EHMT1: variants seen among roughly 807,000 people sequenced by gnomAD.
EHMT1 encodes euchromatic histone lysine methyltransferase 1, also known as histone-lysine N-methyltransferase EHMT1.
EHMT1 carries 15 observed loss-of-function variants against 147.2 expected under a neutral mutation model. The observed-to-expected ratio is 0.10, with a 90% CI of 0.07 to 0.16. EHMT1 has a LOEUF of 0.16. EHMT1 is among the 10% of genes least tolerant of loss of function. EHMT1 has a pLI of 1.00. For missense variants in EHMT1, 1,587 were observed against 1,772.4 expected, an observed-to-expected ratio of 0.90 and a Z score of 1.88; for synonymous variants, 795 against 709.6, an observed-to-expected ratio of 1.12 and a Z score of -1.91.
chr9:137,775,404 C>A lies in EHMT1; in HGVS notation c.1791+152C>A. ...TCTGGAGGTCTCCAGTGTTCACAAG[C>A]CCCTCACCACCCCTGTCGAGCCCCA... is the stretch of plus-strand genomic sequence containing the variant. On this transcript the variant is annotated intron_variant, in intron 11 of 26. Coordinates refer to ENST00000460843, the MANE Select transcript of EHMT1 (RefSeq NM_024757.5). This position sits in a 1 kb window ranked among gnomAD's most constrained non-coding sequence, Gnocchi z 6.1. 8.9e-7 allele frequency: 1 copy of A among 1,124,364 alleles called. No individual in the cohort carries two copies. Among genetic ancestry groups the A allele is most frequent in the Non-Finnish European group, 1.3e-6 (1 of 787,292 alleles). 69.6% of individuals were successfully genotyped at this position (1,124,364 alleles called of 1,614,324 possible).
At chr9:137,706,641 C>A (rs560327105) in intron 1 of EHMT1, among the ~76,000 whole-genome samples, 1 of 152,030 alleles carries the variant, frequency 6.6e-6, no homozygotes, top group East Asian at 1.9e-4. Flanking sequence ...TGCCTGCCAC[C>A]ACGCCCAACT....
chr9:137,817,865 G>T, intron 24 of EHMT1, 195 bp from the exon 25 acceptor site: 1 of 649,166 alleles, frequency 1.5e-6, no homozygotes, highest in Non-Finnish European at 2.7e-6. Context: ...AGAGCTTTCG[G>T]TATCGTTATC....
chr9:137,678,242 T>G (rs1474641371), intron 1 of EHMT1, among the ~76,000 whole-genome samples: 1 of 152,138 alleles, frequency 6.6e-6, no homozygotes, highest in Non-Finnish European at 1.5e-5. Context: ...GATTTGTTTT[T>G]TCTCTCCTGA....
At position 137,669,835 on chromosome 9, in the gene EHMT1, G is replaced by T. The variant is rs1940338299; in HGVS notation, c.22-41132G>T. Among the ~76,000 whole-genome samples the T allele has an allele frequency of 3.3e-5, 5 of 152,076 alleles. No individual in the cohort carries two copies. In the South Asian group the frequency reaches 1.0e-3, roughly 32 times the overall value. ...CTCAAAGCGCTGATATTACAGGTGT[G>T]AGCCATGATGCCTGGGCCAAAAAGA... On this transcript the variant is annotated intron_variant, in intron 1 of 26. Coordinates refer to ENST00000460843, the MANE Select transcript of EHMT1 (RefSeq NM_024757.5).
intron 1 of EHMT1, among the ~76,000 whole-genome samples, chr9:137,707,620 A>G (rs1944376672): frequency 6.6e-6 from 1 of 152,268 alleles, no homozygotes; most frequent in African/African-American, 2.4e-5. Context: ...TTGGACACAC[A>G]GCAGAATGGT....
intron 4 of EHMT1, among the ~76,000 whole-genome samples, chr9:137,739,898 G>T (rs980527120): frequency 6.6e-6 from 1 of 152,210 alleles, no homozygotes; most frequent in Admixed American, 6.5e-5. Flanking sequence ...GTCTCTGATG[G>T]CAGGGAACAG....
Position 137,816,295 on chromosome 9 carries a change from T to G in EHMT1, c.3374+233T>G, listed in dbSNP as rs984317351. ...ACTTCGGCATGAGAGAAGGAGCAGG[T>G]TGTTGGGTCAGTCCAGCTAAAAGCA... On this transcript the variant is annotated intron_variant, in intron 23 of 26. Coordinates refer to ENST00000460843, the MANE Select transcript of EHMT1 (RefSeq NM_024757.5). The G allele has an allele frequency of 2.9e-5, 17 of 591,956 alleles. No individual in the cohort carries two copies. The African/African-American group carries it at 2.9e-4, about 10-fold the overall frequency. The allele number at this position is 591,956 out of a possible 1,614,324, so 36.7% of individuals were successfully genotyped here.
intron 1 of EHMT1, among the ~76,000 whole-genome samples, chr9:137,658,385 A>C: frequency 6.6e-6 from 1 of 152,062 alleles, no homozygotes; most frequent in East Asian, 1.9e-4. Context: ...GCCTGAGCTC[A>C]AGTGGTCCAC....
At chr9:137,629,691 T>C (rs1426966461) in intron 1 of EHMT1, among the ~76,000 whole-genome samples, 1 of 151,752 alleles carries the variant, frequency 6.6e-6, no homozygotes, top group Non-Finnish European at 1.5e-5. Flanking sequence ...TCGCACCTGG[T>C]CCAGTTTTTT....
chr9:137,670,240 G>A (rs1484851681), intron 1 of EHMT1, among the ~76,000 whole-genome samples: 1 of 152,116 alleles, frequency 6.6e-6, no homozygotes, highest in Non-Finnish European at 1.5e-5. Context: ...CTCCTCCAAA[G>A]ATTTGTGTTT....
At chr9:137,683,390 C>T (rs989619439) in intron 1 of EHMT1, among the ~76,000 whole-genome samples, 16 of 152,184 alleles carry the variant, frequency 1.1e-4, no homozygotes, top group Non-Finnish European at 2.4e-4. Context: ...ATACATAAGC[C>T]AGTGCCTTTA....
chr9:137,672,699 G>T (rs893185796), intron 1 of EHMT1, among the ~76,000 whole-genome samples: 2 of 152,214 alleles, frequency 1.3e-5, no homozygotes, highest in African/African-American at 4.8e-5. Flanking sequence ...TTGGGGATAA[G>T]TTTCACATTT....
chr9:137,651,079 AAAACC>A lies in EHMT1; in HGVS notation c.21+32032_21+32036del, dbSNP rs550262480. On this transcript the variant is annotated intron_variant, in intron 1 of 26. Transcript: ENST00000460843. ...GACCCTATCTCAAACAAAACAAAACAAAACCACCAGTGTTGACGATGATATGGAAA... is the reference window on the plus strand; with the variant it reads ...GACCCTATCTCAAACAAAACAAAACAACCAGTGTTGACGATGATATGGAAA... 1.4e-4 allele frequency: 21 copies of A among 152,250 alleles called. No individual in the cohort carries two copies. In the East Asian group the frequency reaches 3.7e-3, roughly 27 times the overall value. 9.4% of individuals were successfully genotyped at this position (152,250 alleles called of 1,614,324 possible). A position where few individuals can be genotyped will look rare whatever the true frequency, so the allele number is the denominator to read the frequency against.
chr9:137,660,908 A>G (rs1276337541), intron 1 of EHMT1, among the ~76,000 whole-genome samples: 2 of 152,128 alleles, frequency 1.3e-5, no homozygotes, highest in Non-Finnish European at 2.9e-5. Flanking sequence ...AACCTTTCCT[A>G]CCATCATCTT....
chr9:137,804,517 C>G (rs1353071298), intron 18 of EHMT1, among the ~76,000 whole-genome samples: 1 of 152,074 alleles, frequency 6.6e-6, no homozygotes, highest in African/African-American at 2.4e-5. Flanking sequence ...AGTCCTTTAT[C>G]AGATATATGG....
At chr9:137,736,096 G>C (rs1445173306) in intron 4 of EHMT1, among the ~76,000 whole-genome samples, 1 of 152,164 alleles carries the variant, frequency 6.6e-6, no homozygotes, top group Non-Finnish European at 1.5e-5. Context: ...TAGATTGAAA[G>C]TGAAAGGATG....
intron 1 of EHMT1, chr9:137,646,463 G>A (rs1241471818): frequency 6.1e-6 from 6 of 980,698 alleles, no homozygotes; most frequent in African/African-American, 1.8e-5. Context: ...TGGGAGCCCC[G>A]AGGAGTGCTC....
intron 1 of EHMT1, among the ~76,000 whole-genome samples, chr9:137,691,803 T>C (rs1442903035): frequency 1.2e-4 from 19 of 152,174 alleles, no homozygotes; most frequent in Admixed American, 1.2e-3. Context: ...CTCTCCTGGG[T>C]GTGAAGTGGC....
At chr9:137,733,172 G>A (rs1252218396) in intron 4 of EHMT1, among the ~76,000 whole-genome samples, 3 of 152,216 alleles carry the variant, frequency 2.0e-5, no homozygotes, top group South Asian at 2.1e-4. Flanking sequence ...CAAGAAGGTT[G>A]AGAACATGCG....
Sources: allele counts gnomAD v4.1 joint callset (sites outside exome capture counted in the v4.1 genomes callset), GRCh38; gene constraint gnomAD v4.1.1; non-coding constraint Gnocchi (gnomAD v3.1); transcripts MANE v1.5; gene names NCBI Gene and HGNC (gene_info 2026-07-23, HGNC 2026-07-21).